ERBB4: variants seen among roughly 807,000 people sequenced by gnomAD.
ERBB4 encodes the protein receptor tyrosine-protein kinase erbB-4.
A neutral mutation model predicts 158.0 loss-of-function variants in ERBB4; 42 were observed. The ratio of observed to expected loss-of-function variants is 0.27; its 90% CI spans 0.21 to 0.34. ERBB4 has a LOEUF of 0.34. Among genes scored for constraint, ERBB4 ranks in the 10% least tolerant of loss-of-function variants. The pLI is 1.00. For synonymous variants in ERBB4, 583 were observed against 558.7 expected (o/e 1.04, Z -0.61); for missense variants, 1,333 against 1,624.1 (o/e 0.82, Z 3.08).
intron 1 of ERBB4, among the ~76,000 whole-genome samples, chr2:212,459,204 TTTTA>T (rs1251186435): frequency 6.6e-6 from 1 of 152,136 alleles, no homozygotes; most frequent in Admixed American, 6.6e-5. Flanking sequence ...AGTTGTTTTT[TTTTA>T]TTTTATAGTA....
Position 212,537,748 on chromosome 2 carries a change from C to CTTT in ERBB4, c.82+698_82+700dup, listed in dbSNP as rs10639453. ...GGCTTCTGGCTCAAGTGTGCCAAGC[C>CTTT]TTTTTTTTTTTTTTTAAGAGGTCAG... On this transcript the variant is annotated intron_variant, in intron 1 of 27. Coordinates refer to ENST00000342788, the MANE Select transcript of ERBB4 (RefSeq NM_005235.3). Among the ~76,000 whole-genome samples the CTTT allele has an allele frequency of 7.6e-3, 1,086 of 143,586 alleles. 12 individuals are homozygous for CTTT. Among genetic ancestry groups the CTTT allele is most frequent in the Middle Eastern group, 0.018 (5 of 278 alleles). 94.2% of individuals were successfully genotyped at this position (143,586 alleles called of 152,430 possible).
intron 1 of ERBB4, among the ~76,000 whole-genome samples, chr2:212,354,805 G>A (rs2106348684): frequency 6.6e-6 from 1 of 151,994 alleles, no homozygotes; most frequent in Non-Finnish European, 1.5e-5. Flanking sequence ...GTTTCCAAGT[G>A]GCTTTTACCA....
intron 1 of ERBB4, among the ~76,000 whole-genome samples, chr2:212,166,425 T>C (rs1439640742): frequency 6.6e-6 from 1 of 151,968 alleles, no homozygotes; most frequent in Non-Finnish European, 1.5e-5. Context: ...TACAAAATTG[T>C]CTCATTTTGC....
intron 1 of ERBB4, among the ~76,000 whole-genome samples, chr2:212,393,769 G>A (rs1181952690): frequency 6.6e-6 from 1 of 152,000 alleles, no homozygotes; most frequent in Non-Finnish European, 1.5e-5. Flanking sequence ...GATTCTGTTG[G>A]TCATATATTA....
intron 3 of ERBB4, among the ~76,000 whole-genome samples, chr2:211,864,105 C>A (rs1212977573): frequency 6.6e-6 from 1 of 152,122 alleles, no homozygotes; most frequent in African/African-American, 2.4e-5. Flanking sequence ...TTCTCATCAC[C>A]CAGTCTTGAA....
rs540526124 is a variant in ERBB4, at chr2:212,477,981, G to T, written c.82+60468C>A. Among the ~76,000 whole-genome samples the T allele has an allele frequency of 2.0e-5, 3 of 152,032 alleles. No homozygotes were observed. In the South Asian group the frequency reaches 6.2e-4, roughly 32 times the overall value. On this transcript the variant is annotated intron_variant, in intron 1 of 27. Coordinates refer to ENST00000342788, the MANE Select transcript of ERBB4 (RefSeq NM_005235.3). Reference sequence around the variant, plus strand: ...CTTCATCCTAGAAATAATCTTATTGGGCTGTGTCATTCATTTTGTCTTTAC... The same window carrying T: ...CTTCATCCTAGAAATAATCTTATTGTGCTGTGTCATTCATTTTGTCTTTAC...
chr2:212,075,017 A>C (rs923508076), intron 2 of ERBB4, among the ~76,000 whole-genome samples: 3 of 151,990 alleles, frequency 2.0e-5, no homozygotes, highest in Non-Finnish European at 2.9e-5. Flanking sequence ...AGAACTAAGA[A>C]TCAAACCCAA....
chr2:211,550,522 T>C (rs993656025), intron 20 of ERBB4, among the ~76,000 whole-genome samples: 1 of 149,370 alleles, frequency 6.7e-6, no homozygotes, highest in African/African-American at 2.5e-5. Flanking sequence ...GCTTGCCAGT[T>C]GCTTATTTTG....
At chr2:212,457,729 TTGAGA>T (rs1188504517) in intron 1 of ERBB4, among the ~76,000 whole-genome samples, 6 of 152,052 alleles carry the variant, frequency 3.9e-5, no homozygotes, top group African/African-American at 1.4e-4. Context: ...GAAAGGATGA[TTGAGA>T]TAACTTCCTG....
chr2:212,205,800 T>C (rs1254603488), intron 1 of ERBB4, among the ~76,000 whole-genome samples: 1 of 152,166 alleles, frequency 6.6e-6, no homozygotes, highest in Non-Finnish European at 1.5e-5. Context: ...TCACTGGGCA[T>C]AAAGAATCAT....
intron 13 of ERBB4, among the ~76,000 whole-genome samples, chr2:211,677,433 G>T (rs898088530): frequency 2.6e-5 from 4 of 151,730 alleles, no homozygotes; most frequent in African/African-American, 4.8e-5. Context: ...GCATGGTGGC[G>T]GGCACCTGTA....
At chr2:211,533,504 T>G (rs1206657416) in intron 20 of ERBB4, among the ~76,000 whole-genome samples, 1 of 152,202 alleles carries the variant, frequency 6.6e-6, no homozygotes, top group South Asian at 2.1e-4. Context: ...TTGACAAATA[T>G]TGAATAATCT....
intron 3 of ERBB4, among the ~76,000 whole-genome samples, chr2:211,913,969 A>G (rs2125062034): frequency 6.6e-6 from 1 of 151,642 alleles, no homozygotes; most frequent in Non-Finnish European, 1.5e-5. Flanking sequence ...ATAAGTGGAG[A>G]AAATAAAGGA....
At chr2:211,783,834 T>A (rs2076093302) in intron 4 of ERBB4, among the ~76,000 whole-genome samples, 2 of 152,204 alleles carry the variant, frequency 1.3e-5, no homozygotes, top group Non-Finnish European at 2.9e-5. Context: ...ATTCTCTTTT[T>A]TTTGTTGTTT....
chr2:212,322,936 C>T (rs191517169), intron 1 of ERBB4, among the ~76,000 whole-genome samples: 3 of 136,688 alleles, frequency 2.2e-5, no homozygotes, highest in African/African-American at 9.3e-5. Flanking sequence ...TCTCCCTAGC[C>T]GGAAAAAAAA....
rs148930061 is a variant in ERBB4 at position 211,405,247 on chromosome 2, C to G, written c.3135+15194G>C. On this transcript the variant is annotated intron_variant, in intron 25 of 27. Transcript: ENST00000342788. Reference sequence around the variant, plus strand: ...ATTGCCTCAATCAGCACTTTATCCTCAGTGAATTAAAAGAAAATATGAGGA... The same window carrying G: ...ATTGCCTCAATCAGCACTTTATCCTGAGTGAATTAAAAGAAAATATGAGGA... Among the ~76,000 whole-genome samples, 1,175 of 152,150 alleles carry G rather than the reference C, an allele frequency of 7.7e-3. 4 individuals are homozygous for G. The highest frequency in any genetic ancestry group is 0.012 in the Non-Finnish European group (830 of 67,978).
At chr2:211,966,829 T>C (rs893140747) in intron 2 of ERBB4, among the ~76,000 whole-genome samples, 3 of 152,118 alleles carry the variant, frequency 2.0e-5, no homozygotes, top group African/African-American at 7.2e-5. Context: ...ACAGATCAAA[T>C]GAATGCCCAT....
chr2:211,784,833 T>G (rs1488710274), intron 4 of ERBB4, among the ~76,000 whole-genome samples: 1 of 152,168 alleles, frequency 6.6e-6, no homozygotes, highest in Non-Finnish European at 1.5e-5. Context: ...GATATGATTT[T>G]GGGGTTGGTT....
At chr2:212,449,728 G>A (rs950378230) in intron 1 of ERBB4, among the ~76,000 whole-genome samples, 4 of 152,076 alleles carry the variant, frequency 2.6e-5, no homozygotes, top group African/African-American at 9.7e-5. Flanking sequence ...ACTGATCCAT[G>A]AGCAGCATGA....
Sources: gnomAD v4.1 joint callset for allele counts (sites outside exome capture counted in the v4.1 genomes callset) on GRCh38, gnomAD v4.1.1 for gene constraint, MANE v1.5 for transcripts, NCBI Gene and HGNC (gene_info 2026-07-23, HGNC 2026-07-21) for gene names.